The following SHISA7 variants were observed in gnomAD, a reference collection of about 807,000 sequenced individuals.
SHISA7 encodes the protein protein shisa-7.
A neutral mutation model predicts 23.9 loss-of-function variants in SHISA7; 6 were observed. That is an observed-to-expected ratio of 0.25 (90% confidence interval 0.14 to 0.50). The LOEUF (loss-of-function observed/expected upper bound fraction) is 0.50, where lower values mean the gene tolerates loss of function less well. Ranked by LOEUF, SHISA7 falls within the 20% of genes least tolerant of loss-of-function variation. SHISA7 has a pLI of 0.98. For missense variants in SHISA7, 671 were observed against 801.1 expected (o/e 0.84, Z 1.96); for synonymous variants, 386 against 398.3 (o/e 0.97, Z 0.37).
chr19:55,434,464 GGTGT>G lies in SHISA7; in HGVS notation c.977-672_977-669del, dbSNP rs754502355. On this transcript the variant is annotated intron_variant, in intron 3 of 3. Coordinates refer to ENST00000376325, the MANE Select transcript of SHISA7 (RefSeq NM_001145176.2). ...TGTGTGTGTGGGTGTGTGGTTGTGT[GGTGT>G]GTGTGTATGGTGTGTGTGTGGTGTA... 8.6e-5 allele frequency among the ~76,000 whole-genome samples: 11 copies of G among 127,202 alleles called. No individual in the cohort carries two copies. The East Asian group carries it at 1.0e-3, about 12-fold the overall frequency. 83.4% of individuals were successfully genotyped at this position (127,202 alleles called of 152,430 possible). A position where few individuals can be genotyped will look rare whatever the true frequency, so the allele number is the denominator to read the frequency against.
At chr19:55,438,602 T>C in intron 2 of SHISA7, 1 of 1,304,226 alleles carries the variant, frequency 7.7e-7, no homozygotes, top group Non-Finnish European at 1.0e-6. Flanking sequence ...GACGTTGAGG[T>C]GCAGGTAGCT....
chr19:55,440,652 G>A lies in SHISA7; in HGVS notation c.785C>T (p.Thr262Met), dbSNP rs1985577167. The change falls in exon 2 of 4, where the codon ACG (threonine) becomes ATG (methionine). Residue 262 changes from threonine to methionine, a missense_variant. This residue lies in a region of SHISA7 where 457 missense variants were observed against 488.3 expected (regional missense o/e 0.94). Transcript: ENST00000376325. Reference protein sequence around the residue: ...IGGPDSMPPRTPKNLYNTVKT... With the variant: ...IGGPDSMPPRMPKNLYNTVKT... ...CACGGTGTTGTAGAGGTTCTTGGGC[G>A]TCCTGGGGGGCATGCTGTCGGGACC... 2 of 1,249,782 alleles carry A rather than the reference G, an allele frequency of 1.6e-6. No individual in the cohort carries two copies. The highest frequency in any genetic ancestry group is 4.1e-5 in the South Asian group (1 of 24,428). The allele number at this position is 1,249,782 out of a possible 1,614,324, so 77.4% of individuals were successfully genotyped here.
At chr19:55,435,304 ATATG>A (rs1312557695) in intron 3 of SHISA7, among the ~76,000 whole-genome samples, 3 of 79,326 alleles carry the variant, frequency 3.8e-5, no homozygotes, top group Admixed American at 1.7e-4. Context: ...GTGTGTGTGT[ATATG>A]TGGTGTGTGT....
intron 3 of SHISA7, among the ~76,000 whole-genome samples, chr19:55,437,390 T>G (rs1985489580): frequency 6.6e-6 from 1 of 152,028 alleles, no homozygotes; most frequent in African/African-American, 2.4e-5. Context: ...CCATAATATG[T>G]CCTGGGAGGG....
At position 55,433,688 on chromosome 19, in the gene SHISA7, C is replaced by G; in HGVS notation, c.1085G>C (p.Arg362Pro). The G allele has an allele frequency of 2.0e-6, 3 of 1,482,036 alleles. No individual in the cohort carries two copies. Among genetic ancestry groups the G allele is most frequent in the Non-Finnish European group, 2.7e-6 (3 of 1,123,932 alleles). 91.8% of individuals were successfully genotyped at this position (1,482,036 alleles called of 1,614,324 possible). A position where few individuals can be genotyped will look rare whatever the true frequency, so the allele number is the denominator to read the frequency against. Residue 362 changes from arginine to proline, a missense_variant, in exon 4 of 4, where the codon CGC becomes CCC. Arg to Pro is a moderately radical substitution (Grantham distance 103). Coordinates refer to ENST00000376325, the MANE Select transcript of SHISA7 (RefSeq NM_001145176.2). This position sits in a 1 kb window ranked among gnomAD's most constrained non-coding sequence, Gnocchi z 8.4. Reference sequence around the variant, plus strand: ...CTCTGGGCCGCCCCAGGCCTCCATGCGATAGCCGCCCCCCGTGCCCGGCCG... The same window carrying G: ...CTCTGGGCCGCCCCAGGCCTCCATGGGATAGCCGCCCCCCGTGCCCGGCCG... Reference protein sequence around the residue: ...LRRPGTGGGYRMEAWGGPEEL... With the variant: ...LRRPGTGGGYPMEAWGGPEEL...
Position 55,436,082 on chromosome 19 carries a change from T to G in SHISA7, c.976+1523A>C, listed in dbSNP as rs149785398. Among the ~76,000 whole-genome samples the G allele has an allele frequency of 9.2e-3, 1,393 of 151,256 alleles. 14 individuals are homozygous for G. Among genetic ancestry groups the G allele is most frequent in the East Asian group, 0.024 (122 of 5,140 alleles). ...CAGGTGAGTCATCTGAGGTCAGGAG[T>G]TCGAGACCAGCCTGACCAACATGGT... On this transcript the variant is annotated intron_variant, in intron 3 of 3. Coordinates refer to ENST00000376325, the MANE Select transcript of SHISA7 (RefSeq NM_001145176.2).
In SHISA7 at chr19:55,434,926, GTA is replaced by G. The variant is rs1375905543; in HGVS notation, c.977-1132_977-1131del. Among the ~76,000 whole-genome samples, 39 of 124,608 alleles carry G rather than the reference GTA, an allele frequency of 3.1e-4. 1 individual carries two copies. The highest frequency in any genetic ancestry group is 1.2e-3 in the African/African-American group (37 of 31,942). The allele number at this position is 124,608 out of a possible 152,430, so 81.7% of individuals were successfully genotyped here. On this transcript the variant is annotated intron_variant, in intron 3 of 3. Transcript: ENST00000376325. ...GTGTGTGTGTATATGTGGTGTGTGT[GTA>G]TATGTGGTGTGTGTATGGTGTGTGG...
At position 55,430,829 on chromosome 19, in the gene SHISA7, T is replaced by A. The variant is rs1489509698; in HGVS notation, c.*2327A>T. Reference sequence around the variant, plus strand: ...ATCCTGGGAGAAGATGACACCAGGGTTATGGTGGATACTAGTGGATGGTGA... The same window carrying A: ...ATCCTGGGAGAAGATGACACCAGGGATATGGTGGATACTAGTGGATGGTGA... On this transcript the variant is annotated 3_prime_UTR_variant, in exon 4 of 4. Coordinates refer to ENST00000376325, the MANE Select transcript of SHISA7 (RefSeq NM_001145176.2). 7 of 145,268 alleles carry A rather than the reference T, an allele frequency of 4.8e-5. No homozygotes were observed. The Admixed American group carries it at 4.9e-4, about 10-fold the overall frequency. The allele number at this position is 145,268 out of a possible 1,614,324, so 9.0% of individuals were successfully genotyped here. A position where few individuals can be genotyped will look rare whatever the true frequency, so the allele number is the denominator to read the frequency against.
intron 3 of SHISA7, among the ~76,000 whole-genome samples, chr19:55,434,169 A>G (rs1568450150): frequency 6.6e-6 from 1 of 152,286 alleles, no homozygotes; most frequent in East Asian, 1.9e-4. Context: ...GAAAAATGAA[A>G]TCAAATAGAA....
Position 55,433,627 on chromosome 19 carries a change from C to G in SHISA7, c.1146G>C (p.Arg382=). 2.7e-6 allele frequency: 4 copies of G among 1,491,446 alleles called. No individual in the cohort carries two copies. The highest frequency in any genetic ancestry group is 2.7e-6 in the Non-Finnish European group (3 of 1,127,698). 92.4% of individuals were successfully genotyped at this position (1,491,446 alleles called of 1,614,324 possible). A position where few individuals can be genotyped will look rare whatever the true frequency, so the allele number is the denominator to read the frequency against. Residue 382 remains arginine, a synonymous_variant, in exon 4 of 4, where the codon CGG becomes CGC. Coordinates refer to ENST00000376325, the MANE Select transcript of SHISA7 (RefSeq NM_001145176.2). The surrounding 1 kb of genome is among the most constrained non-coding windows in gnomAD (Gnocchi z 8.4). The stretch of plus-strand genomic sequence containing the variant: ...CCAGCAGGTGCTCCTGGGACATGAC[C>G]CGCCGGGGGTTGGGCGCGGGCGCCA... ...LGLAPAPNPR[R]VMSQEHLLGD...
Position 55,432,937 on chromosome 19 carries a change from T to C in SHISA7, c.*219A>G. 1.7e-6 allele frequency: 1 copy of C among 578,894 alleles called. No individual in the cohort carries two copies. Among genetic ancestry groups the C allele is most frequent in the Non-Finnish European group, 2.9e-6 (1 of 348,934 alleles). The allele number at this position is 578,894 out of a possible 1,614,324, so 35.9% of individuals were successfully genotyped here. ...AGTGATGACCTCATGAGCCGGCCTC[T>C]TCCTCTGGGATGACATCATGGGAAG... On this transcript the variant is annotated 3_prime_UTR_variant, in exon 4 of 4. Transcript: ENST00000376325. This position sits in a 1 kb window ranked among gnomAD's most constrained non-coding sequence, Gnocchi z 4.6.
chr19:55,434,831 GGT>G (rs570559411), intron 3 of SHISA7, among the ~76,000 whole-genome samples: 1 of 77,950 alleles, frequency 1.3e-5, no homozygotes, highest in Non-Finnish European at 2.4e-5. Flanking sequence ...ATGTGTGTGT[GGT>G]GTGTGGTGTG....
chr19:55,434,885 ATATGTGGTG>A (rs1568450678), intron 3 of SHISA7, among the ~76,000 whole-genome samples: 1 of 47,980 alleles, frequency 2.1e-5, no homozygotes, highest in African/African-American at 8.7e-5. Context: ...GTGTGTGTGT[ATATGTGGTG>A]TGTGTGGTGT....
At position 55,435,477 on chromosome 19, in the gene SHISA7, G is replaced by A. The variant is rs570255326; in HGVS notation, c.977-1681C>T. On this transcript the variant is annotated intron_variant, in intron 3 of 3. Coordinates refer to ENST00000376325, the MANE Select transcript of SHISA7 (RefSeq NM_001145176.2). The stretch of plus-strand genomic sequence containing the variant: ...AGTTTAAAAGAATCCATCAAGGTCA[G>A]ATGAGGTGGCTCACTCCTGTAATCC... Among the ~76,000 whole-genome samples, 5 of 148,654 alleles carry A rather than the reference G, an allele frequency of 3.4e-5. No homozygotes were observed. In the South Asian group the frequency reaches 1.1e-3, roughly 32 times the overall value.
Position 55,442,641 on chromosome 19 carries a change from C to G in SHISA7, c.223G>C (p.Ala75Pro). 1 of 1,346,312 alleles carries G rather than the reference C, an allele frequency of 7.4e-7. No homozygotes were observed. The highest frequency in any genetic ancestry group is 2.5e-4 in the Middle Eastern group (1 of 3,970). The allele number at this position is 1,346,312 out of a possible 1,614,324, so 83.4% of individuals were successfully genotyped here. A position where few individuals can be genotyped will look rare whatever the true frequency, so the allele number is the denominator to read the frequency against. ...TGGCAGAGCTCGGCGGGAGGGGGCG[C>G]CCGGGCCGCCGCGCCCGCCCCGCCC... The part of the protein sequence containing the change: ...PAGGAGAAAR[A>P]PPPAELCHGY... The change falls in exon 1 of 4, where the codon GCG becomes CCG. Residue 75 changes from alanine (A) to proline (P), a missense_variant. Coordinates refer to ENST00000376325, the MANE Select transcript of SHISA7 (RefSeq NM_001145176.2).
intron 3 of SHISA7, among the ~76,000 whole-genome samples, chr19:55,435,089 GGTGT>G (rs776130001): frequency 5.0e-5 from 3 of 60,092 alleles, no homozygotes; most frequent in East Asian, 7.9e-4. Context: ...TGGTGTGTGT[GGTGT>G]GTGTGTATGG....
Position 55,430,108 on chromosome 19 carries a change from G to C in SHISA7, c.*3048C>G, listed in dbSNP as rs548814386. 1.3e-5 allele frequency: 2 copies of C among 152,378 alleles called. No individual in the cohort carries two copies. The highest frequency in any genetic ancestry group is 4.8e-5 in the African/African-American group (2 of 41,536). The allele number at this position is 152,378 out of a possible 1,614,324, so 9.4% of individuals were successfully genotyped here. ...GCTGGGTTGACCCTGTCACCAATCA[G>C]ATGGCTGGGTGAGGGACAGCGCTGC... is the stretch of plus-strand genomic sequence containing the variant. On this transcript the variant is annotated 3_prime_UTR_variant, in exon 4 of 4. Coordinates refer to ENST00000376325, the MANE Select transcript of SHISA7 (RefSeq NM_001145176.2).
At chr19:55,438,776 GC>G in intron 2 of SHISA7, 2 of 235,946 alleles carry the variant, frequency 8.5e-6, no homozygotes, top group Non-Finnish European at 1.4e-5. Context: ...CATGCCATTG[GC>G]CACATGGGGG....
chr19:55,435,347 GTGTATGGT>G (rs1985426490), intron 3 of SHISA7, among the ~76,000 whole-genome samples: 1 of 123,964 alleles, frequency 8.1e-6, no homozygotes. Context: ...TGTGTATGGT[GTGTATGGT>G]GTGTGTGTGG....
Sources: gnomAD v4.1 joint callset for allele counts (sites outside exome capture counted in the v4.1 genomes callset) on GRCh38, gnomAD v4.1.1 for gene constraint, gnomAD v4.1.1 regional missense constraint, Gnocchi (gnomAD v3.1) non-coding constraint, MANE v1.5 for transcripts, NCBI Gene and HGNC (gene_info 2026-07-23, HGNC 2026-07-21) for gene names.